Variants in TEAD1 observed in about 807,000 individuals in gnomAD.
TEAD1 encodes TEA domain transcription factor 1.
TEAD1 carries 9 observed loss-of-function variants against 54.9 expected under a neutral mutation model. That is an observed-to-expected ratio of 0.16 (90% CI 0.10 to 0.29). TEAD1 has a LOEUF of 0.29. TEAD1 is among the 10% of genes least tolerant of loss of function. TEAD1 has a pLI of 1.00. For synonymous variants in TEAD1, 200 were observed against 187.8 expected, an observed-to-expected ratio of 1.07 and a Z score of -0.53; for missense variants, 387 against 535.9, an observed-to-expected ratio of 0.72 and a Z score of 2.74.
rs943245023 is a variant in TEAD1 at position 12,864,674 on chromosome 11, C to T, written c.268-164C>T. On this transcript the variant is annotated intron_variant, in intron 4 of 12. Transcript: ENST00000527636. ...TTTGTTTTGTTTCCCCTCATAAACCCGAACAATGTAGGTGTCTAGTCATAT... is the reference window on the plus strand; with the variant it reads ...TTTGTTTTGTTTCCCCTCATAAACCTGAACAATGTAGGTGTCTAGTCATAT... 71 of 1,426,690 alleles carry T rather than the reference C, an allele frequency of 5.0e-5. 2 individuals are homozygous for T. The highest frequency in any genetic ancestry group is 3.9e-4 in the South Asian group (27 of 69,544). The allele number at this position is 1,426,690 out of a possible 1,614,324, so 88.4% of individuals were successfully genotyped here. A position where few individuals can be genotyped will look rare whatever the true frequency, so the allele number is the denominator to read the frequency against.
intron 3 of TEAD1, among the ~76,000 whole-genome samples, chr11:12,820,239 C>T (rs1194786497): frequency 6.6e-6 from 1 of 152,050 alleles, no homozygotes; most frequent in Non-Finnish European, 1.5e-5. Context: ...TAATTTTTTT[C>T]AACCCGCTAG....
chr11:12,887,449 G>A (rs932243619), intron 9 of TEAD1, among the ~76,000 whole-genome samples: 4 of 152,254 alleles, frequency 2.6e-5, no homozygotes, highest in Middle Eastern at 3.4e-3. Context: ...AGGGCCTGAA[G>A]GTTGGTTCTT....
chr11:12,762,104 T>C (rs1239156253), intron 2 of TEAD1, among the ~76,000 whole-genome samples: 1 of 152,190 alleles, frequency 6.6e-6, no homozygotes, highest in Non-Finnish European at 1.5e-5. Context: ...GCATAACTAC[T>C]ATTTATCTTA....
chr11:12,783,095 G>T lies in TEAD1; in HGVS notation c.202+18661G>T, dbSNP rs1530181. On this transcript the variant is annotated intron_variant, in intron 3 of 12. Coordinates refer to ENST00000527636, the MANE Select transcript of TEAD1 (RefSeq NM_021961.6). ...TCTAGAAGTCACTAAACCAGGTAAG[G>T]GTTTGTGTGTGTGTGTGTGTGTGTG... Among the ~76,000 whole-genome samples, 307 of 121,756 alleles carry T rather than the reference G, an allele frequency of 2.5e-3. 1 individual carries two copies. The highest frequency in any genetic ancestry group is 9.7e-3 in the African/African-American group (286 of 29,572). 79.9% of individuals were successfully genotyped at this position (121,756 alleles called of 152,430 possible).
intron 2 of TEAD1, among the ~76,000 whole-genome samples, chr11:12,700,065 G>T (rs1243103235): frequency 6.6e-6 from 1 of 152,208 alleles, no homozygotes; most frequent in Non-Finnish European, 1.5e-5. Flanking sequence ...TGATTCAACA[G>T]CATCTCCCTT....
Position 12,942,127 on chromosome 11 carries a change from T to C in TEAD1, c.*4905T>C, listed in dbSNP as rs1319033645. 6.6e-6 allele frequency: 1 copy of C among 152,650 alleles called. No homozygotes were observed. Among genetic ancestry groups the C allele is most frequent in the South Asian group, 2.1e-4 (1 of 4,830 alleles). The allele number at this position is 152,650 out of a possible 1,614,324, so 9.5% of individuals were successfully genotyped here. On this transcript the variant is annotated 3_prime_UTR_variant, in exon 13 of 13. Coordinates refer to ENST00000527636, the MANE Select transcript of TEAD1 (RefSeq NM_021961.6). ...AACAAAAGGTTGCAACTTCATAGTT[T>C]ACTATGAAAAGCAAATTGTACTTTT...
intron 10 of TEAD1, among the ~76,000 whole-genome samples, chr11:12,916,067 T>G (rs1948707059): frequency 6.6e-6 from 1 of 152,096 alleles, no homozygotes; most frequent in Non-Finnish European, 1.5e-5. Context: ...CGGCTTCTGC[T>G]TCGACTTTTT....
intron 3 of TEAD1, among the ~76,000 whole-genome samples, chr11:12,777,355 C>G (rs1051546282): frequency 5.9e-5 from 9 of 152,156 alleles, no homozygotes; most frequent in African/African-American, 2.2e-4. Flanking sequence ...GTCCCAATTG[C>G]TCACTGTATG....
Position 12,780,924 on chromosome 11 carries a change from G to A in TEAD1, c.202+16490G>A, listed in dbSNP as rs190913934. ...TTGAAAAAGAAGAACAAAGTTGGAG[G>A]ACTCACACTTTGTGATTTCAAAACT... is the stretch of plus-strand genomic sequence containing the variant. On this transcript the variant is annotated intron_variant, in intron 3 of 12. Transcript: ENST00000527636. Among the ~76,000 whole-genome samples, 93 of 152,268 alleles carry A rather than the reference G, an allele frequency of 6.1e-4. 1 individual carries two copies. The highest frequency in any genetic ancestry group is 1.1e-3 in the Admixed American group (17 of 15,302).
chr11:12,808,540 C>T (rs540146568), intron 3 of TEAD1, among the ~76,000 whole-genome samples: 4 of 152,242 alleles, frequency 2.6e-5, no homozygotes, highest in African/African-American at 9.6e-5. Context: ...TGCAGAGGGT[C>T]TCTGAGAATG....
intron 2 of TEAD1, among the ~76,000 whole-genome samples, chr11:12,738,027 T>A (rs1944572435): frequency 6.6e-6 from 1 of 152,066 alleles, no homozygotes; most frequent in African/African-American, 2.4e-5. Context: ...TCGGATCTCA[T>A]GAGACATTCA....
chr11:12,840,075 G>A (rs1425152607), intron 3 of TEAD1, among the ~76,000 whole-genome samples: 3 of 151,662 alleles, frequency 2.0e-5, no homozygotes, highest in African/African-American at 4.8e-5. Context: ...GTGAAATCCC[G>A]TCTCTACTAA....
intron 10 of TEAD1, among the ~76,000 whole-genome samples, chr11:12,918,479 G>A (rs1948752485): frequency 6.6e-6 from 1 of 151,966 alleles, no homozygotes; most frequent in Non-Finnish European, 1.5e-5. Context: ...AGTTGTAATG[G>A]CAAATTGGTT....
chr11:12,738,305 C>T (rs999875411), intron 2 of TEAD1, among the ~76,000 whole-genome samples: 1 of 152,108 alleles, frequency 6.6e-6, no homozygotes, highest in African/African-American at 2.4e-5. Context: ...CTGAGCTGAC[C>T]CCTAAGTATT....
chr11:12,937,035 G>A, intron 12 of TEAD1, 74 bp from the exon 13 acceptor site: 3 of 1,021,172 alleles, frequency 2.9e-6, no homozygotes, highest in Non-Finnish European at 4.6e-6. Context: ...CTCCAATTAA[G>A]TCATAGTCGT....
chr11:12,750,872 C>T (rs1336154352), intron 2 of TEAD1, among the ~76,000 whole-genome samples: 3 of 152,184 alleles, frequency 2.0e-5, no homozygotes, highest in Non-Finnish European at 4.4e-5. Flanking sequence ...CATCAGCACC[C>T]TATTGATTCC....
At chr11:12,736,796 TTTTACTTTAAAAA>T (rs1237299975) in intron 2 of TEAD1, among the ~76,000 whole-genome samples, 32 of 152,178 alleles carry the variant, frequency 2.1e-4, no homozygotes, top group Admixed American at 2.0e-4. Flanking sequence ...AATCTTCTCT[TTTTACTTTAAAAA>T]TTTACCTGTA....
chr11:12,684,657 G>T (rs946697757), intron 2 of TEAD1, among the ~76,000 whole-genome samples: 2 of 152,218 alleles, frequency 1.3e-5, no homozygotes, highest in African/African-American at 4.8e-5. Flanking sequence ...TATCTACTTG[G>T]AAGAGTTGGA....
intron 5 of TEAD1, among the ~76,000 whole-genome samples, chr11:12,876,867 A>G (rs1214827557): frequency 6.6e-6 from 1 of 152,148 alleles, no homozygotes; most frequent in African/African-American, 2.4e-5. Context: ...GTTTCTGTTC[A>G]TGGGCTACCC....
Sources: gnomAD v4.1 joint callset for allele counts (sites outside exome capture counted in the v4.1 genomes callset) on GRCh38, gnomAD v4.1.1 for gene constraint, MANE v1.5 for transcripts, NCBI Gene and HGNC (gene_info 2026-07-23, HGNC 2026-07-21) for gene names.